AARS1: variants seen among roughly 807,000 people sequenced by gnomAD.
The protein encoded by AARS1 is alanine--tRNA ligase, cytoplasmic.
A neutral mutation model predicts 108.9 loss-of-function variants in AARS1; 72 were observed. The observed-to-expected ratio is 0.66, with a 90% CI of 0.55 to 0.80. The LOEUF is 0.80. AARS1 is among the 30% of genes least tolerant of loss of function. AARS1 has a pLI of 0.00. For missense variants in AARS1, 1,193 were observed against 1,233.2 expected, an observed-to-expected ratio of 0.97 and a Z score of 0.49; for synonymous variants, 489 against 465.7, an observed-to-expected ratio of 1.05 and a Z score of -0.64.
intron 1 of AARS1, among the ~76,000 whole-genome samples, chr16:70,286,549 T>A (rs1283781969): frequency 6.6e-6 from 1 of 152,060 alleles, no homozygotes; most frequent in African/African-American, 2.4e-5. Context: ...TTAAAAAAAA[T>A]TTTTGAGGCC....
intron 13 of AARS1, among the ~76,000 whole-genome samples, chr16:70,260,304 A>G (rs1960101915): frequency 6.6e-6 from 1 of 152,196 alleles, no homozygotes; most frequent in Non-Finnish European, 1.5e-5. Context: ...CCAGGAAAGA[A>G]GGTGGAGTGA....
intron 9 of AARS1, among the ~76,000 whole-genome samples, chr16:70,266,619 T>G (rs996066138): frequency 2.0e-5 from 3 of 151,644 alleles, no homozygotes; most frequent in Non-Finnish European, 2.9e-5. Flanking sequence ...GCTCCAGGAT[T>G]CAAGCGATTC....
chr16:70,289,499 G>A lies in AARS1; in HGVS notation c.-100C>T, dbSNP rs924864554. On this transcript the variant is annotated 5_prime_UTR_variant, in exon 1 of 21. Transcript: ENST00000261772. ...CCGCTGCACCTATTCCCGCAGACGC[G>A]CAGCTGTACCGGCCTCAGACCACGA... 60 of 447,406 alleles carry A rather than the reference G, an allele frequency of 1.3e-4. No homozygotes were observed. The highest frequency in any genetic ancestry group is 2.6e-4 in the Non-Finnish European group (58 of 221,660). 27.7% of individuals were successfully genotyped at this position (447,406 alleles called of 1,614,324 possible). A position where few individuals can be genotyped will look rare whatever the true frequency, so the allele number is the denominator to read the frequency against.
At chr16:70,264,314 C>CATTCTT (rs1188064307) in intron 11 of AARS1, among the ~76,000 whole-genome samples, 1 of 151,600 alleles carries the variant, frequency 6.6e-6, no homozygotes, top group Non-Finnish European at 1.5e-5. Context: ...ATCCTAATAG[C>CATTCTT]ATTCTTTTTC....
intron 1 of AARS1, among the ~76,000 whole-genome samples, chr16:70,283,132 C>T (rs1441393336): frequency 2.0e-5 from 3 of 152,184 alleles, no homozygotes; most frequent in Admixed American, 2.0e-4. Context: ...GGCACGATGG[C>T]TCACGCCTGT....
At chr16:70,288,550 C>T (rs1006178092) in intron 1 of AARS1, among the ~76,000 whole-genome samples, 7 of 148,978 alleles carry the variant, frequency 4.7e-5, no homozygotes, top group African/African-American at 1.7e-4. Context: ...CCAGCAGCAA[C>T]GACTGTTCTG....
intron 2 of AARS1, among the ~76,000 whole-genome samples, chr16:70,281,316 C>A (rs908612878): frequency 2.6e-5 from 4 of 152,114 alleles, no homozygotes; most frequent in Non-Finnish European, 5.9e-5. Context: ...TACTTGAGGC[C>A]ATGAGCTCGA....
chr16:70,267,862 T>C, intron 8 of AARS1, 53 bp from the exon 9 acceptor site: 1 of 1,612,772 alleles, frequency 6.2e-7, no homozygotes, highest in Non-Finnish European at 8.5e-7. Context: ...GACTGTTCCC[T>C]GCCCCGTCTT....
At chr16:70,254,228 A>G (rs1481524460) in intron 17 of AARS1, among the ~76,000 whole-genome samples, 190 bp from the exon 18 acceptor site, 1 of 152,234 alleles carries the variant, frequency 6.6e-6, no homozygotes. Flanking sequence ...AGAAAGGAGC[A>G]GCAGAAAGCT....
At position 70,268,309 on chromosome 16, in the gene AARS1, AG is replaced by A; in HGVS notation, c.1032del (p.Phe345SerfsTer5). ...YAHEKLNASR[G>X]FFATLVDVVV... ...ACAACATCCACTAACGTAGCAAAGA[AG>A]CCCCTGCTGGCATTGAGCTTTTCAT... is the stretch of plus-strand genomic sequence containing the variant. On this transcript the variant is annotated frameshift_variant, in exon 8 of 21. Coordinates refer to ENST00000261772, the MANE Select transcript of AARS1 (RefSeq NM_001605.3). LOFTEE classifies it high-confidence loss of function. 6.2e-7 allele frequency: 1 copy of A among 1,614,194 alleles called. No homozygotes were observed. The highest frequency in any genetic ancestry group is 8.5e-7 in the Non-Finnish European group (1 of 1,180,030).
At chr16:70,265,185 C>T in intron 10 of AARS1, 83 bp from the exon 11 acceptor site, 1 of 1,534,194 alleles carries the variant, frequency 6.5e-7, no homozygotes, top group South Asian at 1.1e-5. Flanking sequence ...TAAACTATGC[C>T]CAGCATAAAC....
rs1959872715 is a variant in AARS1 at position 70,252,763 on chromosome 16, G to A, written c.2865C>T (p.Ala955=). Residue 955 remains alanine (A), a synonymous_variant, in exon 21 of 21, where the codon GCC becomes GCT. Transcript: ENST00000261772. ...VGCLQEALQL[A]TSFAQLRLGD... ...CGAGGCGCAGCTGGGCGAAGGAAGT[G>A]GCCAGCTGCAGCGCCTCCTGCAGGC... 1.2e-6 allele frequency: 2 copies of A among 1,614,078 alleles called. No individual in the cohort carries two copies. The highest frequency in any genetic ancestry group is 3.3e-5 in the Admixed American group (2 of 60,010).
intron 15 of AARS1, among the ~76,000 whole-genome samples, chr16:70,257,334 G>A (rs1427935210): frequency 1.3e-5 from 2 of 151,964 alleles, no homozygotes; most frequent in African/African-American, 2.4e-5. Context: ...CATGAGAATC[G>A]AAGCCAGGAG....
At chr16:70,265,808 C>T (rs1960248905) in intron 9 of AARS1, 146 bp from the exon 10 acceptor site, 1 of 953,692 alleles carries the variant, frequency 1.0e-6, no homozygotes, top group Non-Finnish European at 1.6e-6. Flanking sequence ...GAAAATCCAG[C>T]ACATCTTTTT....
intron 2 of AARS1, 40 bp from the exon 3 acceptor site, chr16:70,277,194 A>C (rs1417498589): frequency 1.3e-6 from 2 of 1,597,850 alleles, no homozygotes; most frequent in Admixed American, 3.3e-5. Flanking sequence ...TAAAGGGTGC[A>C]AGTGATGTCA....
intron 10 of AARS1, 128 bp from the exon 11 acceptor site, chr16:70,265,230 G>A (rs1293440027): frequency 8.2e-7 from 1 of 1,213,736 alleles, no homozygotes; most frequent in Admixed American, 1.9e-5. Context: ...TGGCACTACT[G>A]ACATTTGGGG....
At chr16:70,266,365 G>A (rs1040349793) in intron 9 of AARS1, among the ~76,000 whole-genome samples, 11 of 151,070 alleles carry the variant, frequency 7.3e-5, no homozygotes, top group Admixed American at 2.6e-4. Context: ...GCGCGGTGGC[G>A]GACACCTGTA....
intron 2 of AARS1, among the ~76,000 whole-genome samples, chr16:70,282,033 T>C (rs1960708736): frequency 6.6e-6 from 1 of 151,924 alleles, no homozygotes; most frequent in Admixed American, 6.6e-5. Context: ...GCACCTGTAG[T>C]CCCAGCTACT....
In AARS1 at chr16:70,265,643, G is replaced by A. The variant is rs1960244242; in HGVS notation, c.1242C>T (p.Leu414=). ...CCACTGGAAACCCATAGGTGTCATA[G>A]AGGAGCCAAGCAGTGTCTCCTACAC... ...KTIPGDTAWL[L]YDTYGFPVDL... Residue 414 remains leucine, a synonymous_variant, in exon 10 of 21, where the codon CTC becomes CTT. Transcript: ENST00000261772. The A allele has an allele frequency of 6.8e-6, 11 of 1,613,782 alleles. No homozygotes were observed. Among genetic ancestry groups the A allele is most frequent in the Non-Finnish European group, 8.5e-6 (10 of 1,179,880 alleles).
Sources: gnomAD v4.1 joint callset for allele counts (sites outside exome capture counted in the v4.1 genomes callset) on GRCh38, gnomAD v4.1.1 for gene constraint, MANE v1.5 for transcripts, NCBI Gene and HGNC (gene_info 2026-07-23, HGNC 2026-07-21) for gene names.